Variants in SDHC observed in about 807,000 individuals in gnomAD.
SDHC encodes the protein succinate dehydrogenase complex subunit C.
SDHC carries 11 observed loss-of-function variants against 22.6 expected under a neutral mutation model. The observed-to-expected ratio is 0.49, with a 90% CI of 0.31 to 0.81. The LOEUF (loss-of-function observed/expected upper bound fraction) is 0.81, where lower values mean the gene tolerates loss of function less well. Among genes scored for constraint, SDHC ranks in the 30% least tolerant of loss-of-function variants. The probability of loss-of-function intolerance (pLI) is 0.05; values close to 1 mark genes in which losing one functional copy is unlikely to be tolerated. For missense variants in SDHC, 160 were observed against 212.0 expected, an observed-to-expected ratio of 0.75 and a Z score of 1.52; for synonymous variants, 80 against 77.8, an observed-to-expected ratio of 1.03 and a Z score of -0.15.
intron 3 of SDHC, among the ~76,000 whole-genome samples, chr1:161,335,807 TCATA>T (rs1160752147): frequency 6.6e-6 from 1 of 151,466 alleles, no homozygotes; most frequent in Non-Finnish European, 1.5e-5. Flanking sequence ...TATACATACA[TCATA>T]CATACATATA....
At chr1:161,339,453 G>A in intron 3 of SDHC, 1 of 501,124 alleles carries the variant, frequency 2.0e-6, no homozygotes, top group Non-Finnish European at 3.2e-6. Flanking sequence ...AAAGTACTAG[G>A]ATTACAGGTG....
At chr1:161,352,803 C>T (rs374201599) in intron 4 of SDHC, among the ~76,000 whole-genome samples, 5 of 152,124 alleles carry the variant, frequency 3.3e-5, no homozygotes, top group Admixed American at 2.0e-4. Context: ...AGTGAAACCT[C>T]GTCTCTACTA....
chr1:161,321,064 A>C (rs544852091), intron 1 of SDHC, among the ~76,000 whole-genome samples: 1 of 152,180 alleles, frequency 6.6e-6, no homozygotes, highest in South Asian at 2.1e-4. Flanking sequence ...TGACCTTGTG[A>C]TCTGCCCGCC....
At chr1:161,326,593 G>GTTTTA (rs1010399812) in intron 2 of SDHC, 6 of 135,590 alleles carry the variant, frequency 4.4e-5, no homozygotes, top group African/African-American at 1.6e-4. Flanking sequence ...GGTCTTTAAG[G>GTTTTA]TTTTATTTTA....
Position 161,331,014 on chromosome 1 carries a change from A to AG in SDHC, c.179+2517_179+2518insG, listed in dbSNP as rs1671252272. Among the ~76,000 whole-genome samples, 6 of 148,340 alleles carry AG rather than the reference A, an allele frequency of 4.0e-5. No homozygotes were observed. In the South Asian group the frequency reaches 1.3e-3, roughly 32 times the overall value. On this transcript the variant is annotated intron_variant, in intron 3 of 5. Transcript: ENST00000367975. ...CTGTTTCCAAAAAAAAAAAAAAAAA[A>AG]AGAGAACCTTGTGGGTCTCCTGCTT...
At chr1:161,349,454 C>T (rs1218695367) in intron 4 of SDHC, among the ~76,000 whole-genome samples, 1 of 151,996 alleles carries the variant, frequency 6.6e-6, no homozygotes, top group Non-Finnish European at 1.5e-5. Flanking sequence ...GACAGCGAGA[C>T]TTTATCTCAA....
At chr1:161,324,086 T>G (rs1467542188) in intron 2 of SDHC, among the ~76,000 whole-genome samples, 1 of 152,208 alleles carries the variant, frequency 6.6e-6, no homozygotes, top group Non-Finnish European at 1.5e-5. Context: ...TTGTAGACAG[T>G]TGACTGAAAC....
chr1:161,319,054 C>CA (rs558530510), intron 1 of SDHC, among the ~76,000 whole-genome samples: 4 of 151,610 alleles, frequency 2.6e-5, no homozygotes, highest in South Asian at 2.1e-4. Context: ...CAAAAACAAA[C>CA]AAAAAACAGA....
chr1:161,318,108 G>A (rs1046673894), intron 1 of SDHC, among the ~76,000 whole-genome samples: 1 of 151,690 alleles, frequency 6.6e-6, no homozygotes, highest in Non-Finnish European at 1.5e-5. Context: ...GGAGGCGGAG[G>A]TTGCAGTGAG....
chr1:161,323,698 A>G lies in SDHC; in HGVS notation c.77+28A>G, dbSNP rs199581931. On this transcript the variant is annotated intron_variant, in intron 2 of 5. Coordinates refer to ENST00000367975, the MANE Select transcript of SDHC (RefSeq NM_003001.5). Reference sequence around the variant, plus strand: ...AAGTTTCTAAGTCTGGAGATTATTTATTTATTTTTTTTTTTGAGACGGAGT... The same window carrying G: ...AAGTTTCTAAGTCTGGAGATTATTTGTTTATTTTTTTTTTTGAGACGGAGT... 1.4e-5 allele frequency: 21 copies of G among 1,525,978 alleles called. No individual in the cohort carries two copies. In the East Asian group the frequency reaches 5.1e-4, roughly 37 times the overall value. The allele number at this position is 1,525,978 out of a possible 1,614,324, so 94.5% of individuals were successfully genotyped here. A position where few individuals can be genotyped will look rare whatever the true frequency, so the allele number is the denominator to read the frequency against.
At chr1:161,351,699 G>A (rs941090002) in intron 4 of SDHC, among the ~76,000 whole-genome samples, 8 of 152,162 alleles carry the variant, frequency 5.3e-5, no homozygotes, top group African/African-American at 1.4e-4. Context: ...ACCTCAGTAC[G>A]TGAGTACTCT....
chr1:161,318,208 C>T (rs1670700282), intron 1 of SDHC, among the ~76,000 whole-genome samples: 1 of 152,010 alleles, frequency 6.6e-6, no homozygotes, highest in Non-Finnish European at 1.5e-5. Flanking sequence ...TACAATAGAT[C>T]TCTTGAACTT....
intron 1 of SDHC, among the ~76,000 whole-genome samples, chr1:161,320,747 T>G (rs1380004966): frequency 6.6e-6 from 1 of 152,036 alleles, no homozygotes; most frequent in African/African-American, 2.4e-5. Context: ...GTAGGTATTA[T>G]CAATCCCATT....
chr1:161,361,641 C>T (rs1000817668), intron 5 of SDHC, among the ~76,000 whole-genome samples: 6 of 152,096 alleles, frequency 3.9e-5, no homozygotes, highest in Non-Finnish European at 7.4e-5. Flanking sequence ...AGATCAAGAC[C>T]ATCCTGGCTA....
Position 161,362,619 on chromosome 1 carries a change from C to T in SDHC, c.*186C>T. The T allele has an allele frequency of 1.3e-6, 2 of 1,593,360 alleles. No individual in the cohort carries two copies. The highest frequency in any genetic ancestry group is 1.7e-6 in the Non-Finnish European group (2 of 1,169,226). Reference sequence around the variant, plus strand: ...AATAGTGGAAAAGGGTCTAGTTTTCCCCTTGTTTCTAAAGATGAGGTGGCT... The same window carrying T: ...AATAGTGGAAAAGGGTCTAGTTTTCTCCTTGTTTCTAAAGATGAGGTGGCT... On this transcript the variant is annotated 3_prime_UTR_variant, in exon 6 of 6. Transcript: ENST00000367975.
intron 4 of SDHC, among the ~76,000 whole-genome samples, chr1:161,355,840 G>A (rs1056375547): frequency 6.6e-6 from 1 of 151,392 alleles, no homozygotes; most frequent in Non-Finnish European, 1.5e-5. Flanking sequence ...AAAAATTAGC[G>A]AGGCATGGTG....
At position 161,344,142 on chromosome 1, in the gene SDHC, T is replaced by A. The variant is rs1250779794; in HGVS notation, c.241+3487T>A. On this transcript the variant is annotated intron_variant, in intron 4 of 5. Transcript: ENST00000367975. ...TCTACTAAAAAAATACAAAAAAAAA[T>A]AGCCGGGCATGGTGGCGGGCACCTG... Among the ~76,000 whole-genome samples the A allele has an allele frequency of 9.2e-5, 14 of 151,654 alleles. No homozygotes were observed. In the South Asian group the frequency reaches 1.5e-3, roughly 16 times the overall value.
intron 4 of SDHC, among the ~76,000 whole-genome samples, chr1:161,341,899 G>A (rs1233149162): frequency 6.6e-6 from 1 of 152,022 alleles, no homozygotes; most frequent in African/African-American, 2.4e-5. Context: ...TAATTATCTA[G>A]TAGGGTACCT....
At chr1:161,337,489 T>G (rs921519784) in intron 3 of SDHC, among the ~76,000 whole-genome samples, 8 of 152,228 alleles carry the variant, frequency 5.3e-5, no homozygotes, top group African/African-American at 1.2e-4. Context: ...TTCTACCTTT[T>G]GAGGCCGTCG....
Sources: gnomAD v4.1 joint callset for allele counts (sites outside exome capture counted in the v4.1 genomes callset) on GRCh38, gnomAD v4.1.1 for gene constraint, MANE v1.5 for transcripts, NCBI Gene and HGNC (gene_info 2026-07-23, HGNC 2026-07-21) for gene names.